FAM240B: variants seen among roughly 807,000 people sequenced by gnomAD.
FAM240B encodes family with sequence similarity 240 member B, also known as protein FAM240B.
chr9:38,707,814 T>C (rs1193326718), intron 1 of FAM240B, among the ~76,000 whole-genome samples: 3 of 140,140 alleles, frequency 2.1e-5, no homozygotes, highest in African/African-American at 7.7e-5. Context: ...AAAAAAAAAT[T>C]AGGGTGAACC....
At chr9:38,701,070 T>G (rs1821120608) in intron 2 of FAM240B, among the ~76,000 whole-genome samples, 1 of 152,254 alleles carries the variant, frequency 6.6e-6, no homozygotes, top group Non-Finnish European at 1.5e-5. Flanking sequence ...TGCTCACTCA[T>G]ACATTTAGAA....
intron 2 of FAM240B, among the ~76,000 whole-genome samples, chr9:38,701,223 C>A (rs773648919): frequency 1.3e-5 from 2 of 151,966 alleles, no homozygotes; most frequent in African/African-American, 2.4e-5. Flanking sequence ...GGAGGCAGAG[C>A]CCACAGGGGT....
chr9:38,694,892 A>T (rs577424914), intron 2 of FAM240B, 23 bp from the exon 3 acceptor site: 8 of 398,652 alleles, frequency 2.0e-5, no homozygotes, highest in Admixed American at 1.8e-4. Context: ...AACCGTGCAC[A>T]TGCTCAGTGC....
intron 2 of FAM240B, among the ~76,000 whole-genome samples, chr9:38,700,197 GACTA>G (rs1821109565): frequency 6.6e-6 from 1 of 152,150 alleles, no homozygotes; most frequent in African/African-American, 2.4e-5. Context: ...ATTCTTTGTA[GACTA>G]ACTCTTGTCT....
At position 38,694,782 on chromosome 9, in the gene FAM240B, C is replaced by G. The variant is rs1405990576; in HGVS notation, c.231G>C (p.Ala77=). The G allele has an allele frequency of 2.5e-6, 1 of 398,452 alleles. No individual in the cohort carries two copies. Among genetic ancestry groups the G allele is most frequent in the Non-Finnish European group, 4.4e-6 (1 of 226,098 alleles). 24.7% of individuals were successfully genotyped at this position (398,452 alleles called of 1,614,324 possible). A position where few individuals can be genotyped will look rare whatever the true frequency, so the allele number is the denominator to read the frequency against. ...TCGGTGAGGCAGGCAGAGCTCAGTC[C>G]GCGGTGTGTGCCGGCTTTTCCTTCT... The part of the protein sequence containing the change: ...PVEKEKPAHT[A]D Residue 77 remains alanine, a synonymous_variant, in exon 3 of 3, where the codon GCG becomes GCC. Transcript: ENST00000637493.
At chr9:38,713,703 G>A (rs920368090) in intron 1 of FAM240B, among the ~76,000 whole-genome samples, 2 of 152,082 alleles carry the variant, frequency 1.3e-5, no homozygotes, top group African/African-American at 4.8e-5. Context: ...AGCATTTAGA[G>A]GGGAAAGATT....
At chr9:38,705,563 T>G (rs1163361535) in intron 1 of FAM240B, 2 of 119,576 alleles carry the variant, frequency 1.7e-5, no homozygotes, top group Non-Finnish European at 3.2e-5. Flanking sequence ...CACTCCAGCC[T>G]GGGCGACAGA....
At position 38,717,167 on chromosome 9, in the gene FAM240B, G is replaced by A. The variant is rs567095902; in HGVS notation, c.-4+2855C>T. ...AGGGGCTTCGGCTTCCCTCTCTTAG[G>A]CTGCTTCTCCCTTTGTTTCCCTTTT... On this transcript the variant is annotated intron_variant, in intron 1 of 2. Transcript: ENST00000637493. Among the ~76,000 whole-genome samples, 64 of 152,286 alleles carry A rather than the reference G, an allele frequency of 4.2e-4. 1 individual carries two copies. The South Asian group carries it at 0.013, about 32-fold the overall frequency.
At chr9:38,717,511 C>T (rs539267845) in intron 1 of FAM240B, among the ~76,000 whole-genome samples, 20 of 152,284 alleles carry the variant, frequency 1.3e-4, no homozygotes, top group South Asian at 2.1e-4. Flanking sequence ...GAAGGAGTCT[C>T]GCTCTGTTGC....
chr9:38,718,114 A>G (rs1821330232), intron 1 of FAM240B, among the ~76,000 whole-genome samples: 1 of 152,210 alleles, frequency 6.6e-6, no homozygotes, highest in Non-Finnish European at 1.5e-5. Flanking sequence ...GCTTGTCAGC[A>G]TACATTGTTT....
intron 2 of FAM240B, among the ~76,000 whole-genome samples, chr9:38,697,926 G>A (rs879302956): frequency 5.9e-5 from 9 of 152,222 alleles, no homozygotes; most frequent in Non-Finnish European, 1.3e-4. Flanking sequence ...TCTCAACTAA[G>A]GTTTGGCCCT....
chr9:38,708,198 T>C (rs1821212785), intron 1 of FAM240B, among the ~76,000 whole-genome samples: 1 of 152,192 alleles, frequency 6.6e-6, no homozygotes, highest in East Asian at 1.9e-4. Flanking sequence ...GTAGAACCTA[T>C]GTCTTTCTTC....
At chr9:38,718,261 G>C (rs534816057) in intron 1 of FAM240B, among the ~76,000 whole-genome samples, 1 of 152,292 alleles carries the variant, frequency 6.6e-6, no homozygotes, top group South Asian at 2.1e-4. Context: ...ACATCTGTAA[G>C]TACATCTGTA....
chr9:38,710,983 G>C (rs1338549416), intron 1 of FAM240B, among the ~76,000 whole-genome samples: 1 of 152,084 alleles, frequency 6.6e-6, no homozygotes, highest in Non-Finnish European at 1.5e-5. Flanking sequence ...AAACCACCCA[G>C]CCACGGGACA....
At chr9:38,711,284 C>G (rs1821252942) in intron 1 of FAM240B, among the ~76,000 whole-genome samples, 1 of 152,244 alleles carries the variant, frequency 6.6e-6, no homozygotes, top group Non-Finnish European at 1.5e-5. Context: ...GTTTAGCCCC[C>G]TCACATGGAG....
At chr9:38,719,139 G>GT (rs1189812742) in intron 1 of FAM240B, among the ~76,000 whole-genome samples, 1 of 151,926 alleles carries the variant, frequency 6.6e-6, no homozygotes, top group Non-Finnish European at 1.5e-5. Flanking sequence ...TCAAATGAGG[G>GT]TATCTAGTTG....
intron 1 of FAM240B, among the ~76,000 whole-genome samples, chr9:38,716,330 G>C (rs1270617321): frequency 6.6e-6 from 1 of 152,106 alleles, no homozygotes; most frequent in East Asian, 1.9e-4. Context: ...AAATTAGCCA[G>C]GCATGGTGCC....
chr9:38,705,121 G>A (rs1440545566), intron 1 of FAM240B, among the ~76,000 whole-genome samples: 1 of 152,214 alleles, frequency 6.6e-6, no homozygotes, highest in African/African-American at 2.4e-5. Flanking sequence ...CTGCACAACA[G>A]ATCCCTCCCT....
chr9:38,702,333 G>T (rs1821138627), intron 2 of FAM240B, among the ~76,000 whole-genome samples: 1 of 152,186 alleles, frequency 6.6e-6, no homozygotes, highest in Non-Finnish European at 1.5e-5. Flanking sequence ...CTTAAGAAAG[G>T]ATTTTGTCTT....
Sources: gnomAD v4.1 joint callset for allele counts (sites outside exome capture counted in the v4.1 genomes callset) on GRCh38, gnomAD v4.1.1 for gene constraint, MANE v1.5 for transcripts, NCBI Gene and HGNC (gene_info 2026-07-23, HGNC 2026-07-21) for gene names.